Variants in POU2F1 observed in about 807,000 individuals in gnomAD.
The protein encoded by POU2F1 is POU class 2 homeobox 1, also known as POU domain, class 2, transcription factor 1.
Under a neutral mutation model 84.9 loss-of-function variants are expected in POU2F1, and 16 were observed. The observed-to-expected ratio is 0.19, with a 90% CI of 0.13 to 0.29. POU2F1 has a LOEUF of 0.29. POU2F1 is among the 10% of genes least tolerant of loss of function. The probability of loss-of-function intolerance (pLI) is 1.00; values close to 1 mark genes in which losing one functional copy is unlikely to be tolerated. For synonymous variants in POU2F1, 368 were observed against 368.3 expected, an observed-to-expected ratio of 1.00 and a Z score of 0.01; for missense variants, 738 against 942.6, an observed-to-expected ratio of 0.78 and a Z score of 2.84.
rs1660173562 is a variant in POU2F1 at position 167,374,088 on chromosome 1, T to A, written c.403-20T>A. 1 of 1,612,192 alleles carries A rather than the reference T, an allele frequency of 6.2e-7. No homozygotes were observed. Among genetic ancestry groups the A allele is most frequent in the East Asian group, 2.2e-5 (1 of 44,862 alleles). On this transcript the variant is annotated intron_variant, in intron 5 of 15. Coordinates refer to ENST00000367866, the MANE Select transcript of POU2F1 (RefSeq NM_002697.4). ...TTTCTCCTTCAACACTTTCCCATAA[T>A]GTGTTCTGGTTTTGTTTAGCTTACT... is the stretch of plus-strand genomic sequence containing the variant.
At chr1:167,346,356 A>G (rs768832730) in intron 2 of POU2F1, among the ~76,000 whole-genome samples, 7 of 152,210 alleles carry the variant, frequency 4.6e-5, no homozygotes, top group Admixed American at 2.0e-4. Flanking sequence ...ATTATTACTT[A>G]GGAAGTAAAG....
intron 1 of POU2F1, among the ~76,000 whole-genome samples, chr1:167,248,152 T>G (rs1433767503): frequency 1.3e-5 from 2 of 152,250 alleles, no homozygotes; most frequent in Admixed American, 1.3e-4. Context: ...GATGTGTGAT[T>G]ATTCTTTTGA....
At chr1:167,266,993 T>G (rs1652009049) in intron 1 of POU2F1, among the ~76,000 whole-genome samples, 1 of 152,196 alleles carries the variant, frequency 6.6e-6, no homozygotes, top group African/African-American at 2.4e-5. Flanking sequence ...TAAGGAAAGA[T>G]ATGAAAAGTG....
chr1:167,365,880 A>AT (rs1659657920), intron 3 of POU2F1, among the ~76,000 whole-genome samples: 1 of 152,194 alleles, frequency 6.6e-6, no homozygotes, highest in South Asian at 2.1e-4. Flanking sequence ...TATCAAAATC[A>AT]TCCAGAAAGA....
chr1:167,401,524 C>G lies in POU2F1; in HGVS notation c.1523C>G (p.Thr508Ser). ...TLTVSPVLPL[T>S]SAAVTNLSVT... ...ACAGTCAGCCCTGTCCTCCCTCTGA[C>G]CAGTGCTGCTGTGACGAATCTTTCA... Residue 508 changes from threonine (T) to serine (S), a missense_variant, in exon 13 of 16, where the codon ACC becomes AGC. Transcript: ENST00000367866. 1 of 1,612,566 alleles carries G rather than the reference C, an allele frequency of 6.2e-7. No individual in the cohort carries two copies. Among genetic ancestry groups the G allele is most frequent in the Non-Finnish European group, 8.5e-7 (1 of 1,179,424 alleles).
In POU2F1 at chr1:167,396,301, G is replaced by A. The variant is rs762388134; in HGVS notation, c.1003G>A (p.Ala335Thr). ...TTGTGTGTAGGGTGATGTTGGGCTC[G>A]CTATGGGGAAACTATATGGAAATGA... Reference protein sequence around the residue: ...LGFTQGDVGLAMGKLYGNDFS... With the variant: ...LGFTQGDVGLTMGKLYGNDFS... Residue 335 changes from alanine (A) to threonine (T), a missense_variant, in exon 10 of 16, where the codon GCT becomes ACT. By Grantham distance (58) the Ala-to-Thr change is moderately conservative. This residue lies in a region of POU2F1 where 95 missense variants were observed against 195.1 expected (regional missense o/e 0.49). Transcript: ENST00000367866. 2.0e-5 allele frequency: 32 copies of A among 1,614,056 alleles called. No homozygotes were observed. The highest frequency in any genetic ancestry group is 2.7e-5 in the African/African-American group (2 of 75,016).
At chr1:167,368,931 T>A (rs867442376) in intron 3 of POU2F1, among the ~76,000 whole-genome samples, 9 of 152,182 alleles carry the variant, frequency 5.9e-5, no homozygotes, top group Admixed American at 2.0e-4. Flanking sequence ...CATTTTCCAG[T>A]TGCCCAGATT....
At chr1:167,316,673 T>C (rs1184214655) in intron 1 of POU2F1, among the ~76,000 whole-genome samples, 1 of 152,222 alleles carries the variant, frequency 6.6e-6, no homozygotes, top group Non-Finnish European at 1.5e-5. Context: ...TTTGTTACCC[T>C]TGTGGTGTCA....
intron 1 of POU2F1, chr1:167,258,033 A>G (rs1651279217): frequency 6.6e-6 from 1 of 152,128 alleles, no homozygotes; most frequent in Non-Finnish European, 1.5e-5. Context: ...TTTACAAAAG[A>G]GGAGTCTTGA....
At chr1:167,356,163 C>CTTTTTTTTTTTTTT in intron 2 of POU2F1, among the ~76,000 whole-genome samples, 1 of 129,854 alleles carries the variant, frequency 7.7e-6, no homozygotes. Context: ...TTTTCTTTTT[C>CTTTTTTTTTTTTTT]TTTTTTTTTT....
intron 12 of POU2F1, among the ~76,000 whole-genome samples, chr1:167,399,864 A>G (rs970782877): frequency 1.3e-5 from 2 of 150,212 alleles, no homozygotes; most frequent in African/African-American, 2.5e-5. Context: ...TAGCAGAAGC[A>G]GGGTTTCACT....
In POU2F1 at chr1:167,421,229, T is replaced by G. The variant is rs1396669426; in HGVS notation, c.*5419T>G. ...CTCTTTGCTATTTCTGTAAGAAGAA[T>G]AACTGAGATCAGCTATTATATAGGT... On this transcript the variant is annotated 3_prime_UTR_variant, in exon 16 of 16. Coordinates refer to ENST00000367866, the MANE Select transcript of POU2F1 (RefSeq NM_002697.4). The G allele has an allele frequency of 6.6e-6, 1 of 152,232 alleles. No individual in the cohort carries two copies. Among genetic ancestry groups the G allele is most frequent in the Non-Finnish European group, 1.5e-5 (1 of 68,044 alleles). The allele number at this position is 152,232 out of a possible 1,614,324, so 9.4% of individuals were successfully genotyped here. A position where few individuals can be genotyped will look rare whatever the true frequency, so the allele number is the denominator to read the frequency against.
At chr1:167,315,038 C>G (rs1054904214) in intron 1 of POU2F1, among the ~76,000 whole-genome samples, 2 of 152,112 alleles carry the variant, frequency 1.3e-5, no homozygotes, top group Non-Finnish European at 2.9e-5. Flanking sequence ...ATATGGCATG[C>G]CTGCTCCTGC....
intron 1 of POU2F1, among the ~76,000 whole-genome samples, chr1:167,272,043 G>A (rs1652403440): frequency 1.3e-5 from 2 of 152,180 alleles, no homozygotes; most frequent in Admixed American, 1.3e-4. Flanking sequence ...GAGTTGAATA[G>A]TTGTGGCAGA....
chr1:167,276,012 A>G (rs1379835355), intron 1 of POU2F1, among the ~76,000 whole-genome samples: 2 of 152,228 alleles, frequency 1.3e-5, no homozygotes. Flanking sequence ...TTTAGCTTAT[A>G]CTAGAAGACA....
intron 2 of POU2F1, among the ~76,000 whole-genome samples, chr1:167,344,660 T>C (rs1658073378): frequency 6.6e-6 from 1 of 152,220 alleles, no homozygotes; most frequent in South Asian, 2.1e-4. Context: ...ATCCATCTCA[T>C]AGTCTTGTTG....
intron 1 of POU2F1, among the ~76,000 whole-genome samples, chr1:167,248,791 G>T (rs543201734): frequency 4.3e-4 from 65 of 152,246 alleles, no homozygotes; most frequent in Middle Eastern, 3.4e-3. Context: ...CTTATTATGT[G>T]CCAATTGCTA....
rs948839052 is a variant in POU2F1 at position 167,419,371 on chromosome 1, A to T, written c.*3561A>T. Reference sequence around the variant, plus strand: ...ATGCAAATTTTATTTTATATTTCTGAATTTGGTTAGCACATACTAAGCCAA... The same window carrying T: ...ATGCAAATTTTATTTTATATTTCTGTATTTGGTTAGCACATACTAAGCCAA... On this transcript the variant is annotated 3_prime_UTR_variant, in exon 16 of 16. Transcript: ENST00000367866. 6.6e-6 allele frequency: 1 copy of T among 152,162 alleles called. No individual in the cohort carries two copies. Among genetic ancestry groups the T allele is most frequent in the Non-Finnish European group, 1.5e-5 (1 of 68,016 alleles). 9.4% of individuals were successfully genotyped at this position (152,162 alleles called of 1,614,324 possible).
At chr1:167,221,093 GC>G in intron 1 of POU2F1, 135 bp downstream of exon 1, 1 of 856,792 alleles carries the variant, frequency 1.2e-6, no homozygotes, top group Admixed American at 2.2e-5. Context: ...GGGCCGGGGA[GC>G]ATTGAGCCCC....
Sources: gnomAD v4.1 joint callset for allele counts (sites outside exome capture counted in the v4.1 genomes callset) on GRCh38, gnomAD v4.1.1 for gene constraint, gnomAD v4.1.1 regional missense constraint, MANE v1.5 for transcripts, NCBI Gene and HGNC (gene_info 2026-07-23, HGNC 2026-07-21) for gene names.